SNTG2: variants seen among roughly 807,000 people sequenced by gnomAD.
The protein encoded by SNTG2 is gamma-2-syntrophin.
SNTG2 carries 74 observed loss-of-function variants against 70.9 expected under a neutral mutation model. The ratio of observed to expected loss-of-function variants is 1.04; its 90% CI spans 0.86 to 1.27. The LOEUF is 1.27. Ranked by LOEUF, SNTG2 falls within the 50% of genes most tolerant of loss-of-function variation. The probability of loss-of-function intolerance (pLI) is 0.00; values close to 1 mark genes in which losing one functional copy is unlikely to be tolerated. For missense variants in SNTG2, 717 were observed against 690.7 expected, an observed-to-expected ratio of 1.04 and a Z score of -0.43; for synonymous variants, 278 against 273.8, an observed-to-expected ratio of 1.02 and a Z score of -0.15.
At chr2:1,227,166 A>C (rs1182915313) in intron 9 of SNTG2, among the ~76,000 whole-genome samples, 2 of 152,260 alleles carry the variant, frequency 1.3e-5, no homozygotes, top group East Asian at 3.8e-4. Flanking sequence ...TTTTCTCCTA[A>C]GTTAATTCTG....
chr2:1,041,048 G>A (rs1044043379), intron 1 of SNTG2, among the ~76,000 whole-genome samples: 2 of 152,186 alleles, frequency 1.3e-5, no homozygotes, highest in African/African-American at 4.8e-5. Flanking sequence ...TCAGGCACAT[G>A]CTAAGGTGTG....
intron 9 of SNTG2, chr2:1,210,384 A>G (rs1572734733): frequency 3.9e-5 from 6 of 152,338 alleles, no homozygotes; most frequent in South Asian, 2.1e-4. Flanking sequence ...AGACAGACAG[A>G]CAGATAGATA....
intron 2 of SNTG2, among the ~76,000 whole-genome samples, chr2:1,086,853 A>G (rs1664714680): frequency 6.6e-6 from 1 of 152,244 alleles, no homozygotes; most frequent in Non-Finnish European, 1.5e-5. Context: ...CACCAAGATA[A>G]TATCTAGAAA....
intron 9 of SNTG2, among the ~76,000 whole-genome samples, chr2:1,227,153 G>A (rs534085226): frequency 6.6e-6 from 1 of 152,348 alleles, no homozygotes; most frequent in Non-Finnish European, 1.5e-5. Context: ...AGGTTCTGCG[G>A]TGTTTTCTCC....
At chr2:1,140,308 A>C (rs28454231) in intron 6 of SNTG2, among the ~76,000 whole-genome samples, 1 of 152,230 alleles carries the variant, frequency 6.6e-6, no homozygotes, top group East Asian at 1.9e-4. Context: ...TAGTACATCT[A>C]TGCATTTTCA....
intron 6 of SNTG2, among the ~76,000 whole-genome samples, chr2:1,159,882 G>C (rs2147839599): frequency 6.6e-6 from 1 of 152,296 alleles, no homozygotes; most frequent in African/African-American, 2.4e-5. Context: ...AATATGATTA[G>C]GGATGAAAGG....
At chr2:1,208,090 C>G (rs866593117) in intron 8 of SNTG2, among the ~76,000 whole-genome samples, 15 of 152,202 alleles carry the variant, frequency 9.9e-5, no homozygotes, top group Admixed American at 3.3e-4. Context: ...TGCTCGGATT[C>G]CAGGTGCAAC....
At chr2:1,157,081 T>C (rs763490778) in intron 6 of SNTG2, among the ~76,000 whole-genome samples, 5 of 152,154 alleles carry the variant, frequency 3.3e-5, no homozygotes, top group Non-Finnish European at 7.4e-5. Context: ...CATGTGCACT[T>C]CAATCCCGTA....
intron 9 of SNTG2, among the ~76,000 whole-genome samples, chr2:1,222,525 GCTGC>G (rs1558555843): frequency 4.9e-4 from 63 of 129,242 alleles, no homozygotes; most frequent in African/African-American, 1.7e-3. Context: ...TGTCCTGCCT[GCTGC>G]TGGAGGTGCT....
intron 9 of SNTG2, among the ~76,000 whole-genome samples, chr2:1,221,477 C>CTGCCTCTG (rs1674839134): frequency 1.5e-3 from 51 of 35,130 alleles, no homozygotes; most frequent in East Asian, 4.4e-3. Context: ...CTCTCTGTCT[C>CTGCCTCTG]TCTCTCTCTC....
chr2:1,247,787 C>A (rs1012393182), intron 12 of SNTG2, among the ~76,000 whole-genome samples: 2 of 152,118 alleles, frequency 1.3e-5, no homozygotes, highest in Non-Finnish European at 1.5e-5. Flanking sequence ...CAAAATACAA[C>A]CCTCTTTTTA....
chr2:1,119,627 A>G (rs2148284214), intron 4 of SNTG2, among the ~76,000 whole-genome samples: 1 of 151,790 alleles, frequency 6.6e-6, no homozygotes, highest in East Asian at 1.9e-4. Flanking sequence ...ATTTTACATA[A>G]GCTTCATAAT....
chr2:1,101,506 T>C (rs946867887), intron 4 of SNTG2, among the ~76,000 whole-genome samples: 10 of 152,236 alleles, frequency 6.6e-5, no homozygotes, highest in Admixed American at 6.5e-4. Flanking sequence ...TTCCATTCCA[T>C]GTAAAACACA....
intron 15 of SNTG2, among the ~76,000 whole-genome samples, chr2:1,308,894 C>T (rs1168476746): frequency 2.0e-5 from 3 of 152,132 alleles, no homozygotes; most frequent in Non-Finnish European, 2.9e-5. Flanking sequence ...AAACACTCAT[C>T]GTTGCCTGCC....
In SNTG2 at chr2:1,267,581, C is replaced by T. The variant is rs1055740171; in HGVS notation, c.1284+10C>T. 11 of 1,611,290 alleles carry T rather than the reference C, an allele frequency of 6.8e-6. No homozygotes were observed. Among genetic ancestry groups the T allele is most frequent in the Admixed American group, 3.3e-5 (2 of 59,974 alleles). ...AGTTCAGAGAACCGGGGTAAGTGAA[C>T]AACTCACACTCTTCTCACCTACACC... is the stretch of plus-strand genomic sequence containing the variant. On this transcript the variant is annotated intron_variant, in intron 14 of 16. Transcript: ENST00000308624.
rs566711378 is a variant in SNTG2 at position 1,122,073 on chromosome 2, T to C, written c.326-15549T>C. On this transcript the variant is annotated intron_variant, in intron 4 of 16. Coordinates refer to ENST00000308624, the MANE Select transcript of SNTG2 (RefSeq NM_018968.4). ...TTGAGTCAGGAAAAAATAGAAAGAC[T>C]GAACTGACCAAAACCAAATAGGGAC... Among the ~76,000 whole-genome samples, 55 of 152,136 alleles carry C rather than the reference T, an allele frequency of 3.6e-4. No individual in the cohort carries two copies. In the South Asian group the frequency reaches 4.6e-3, roughly 13 times the overall value.
intron 1 of SNTG2, among the ~76,000 whole-genome samples, chr2:999,354 T>C (rs1421790749): frequency 1.3e-5 from 2 of 152,004 alleles, no homozygotes. Flanking sequence ...GCTAAATTGA[T>C]TTAAAACAAC....
chr2:1,173,250 A>T, intron 8 of SNTG2, 67 bp downstream of exon 8: 4 of 1,402,142 alleles, frequency 2.9e-6, no homozygotes, highest in Non-Finnish European at 4.0e-6. Context: ...GATAATCTCT[A>T]GACAGAATTA....
chr2:1,064,036 CAG>C (rs1572342777), intron 1 of SNTG2, among the ~76,000 whole-genome samples: 1 of 151,646 alleles, frequency 6.6e-6, no homozygotes, highest in East Asian at 1.9e-4. Flanking sequence ...ATCTTAAAAA[CAG>C]AAGATTAAAA....
Sources: gnomAD v4.1 joint callset for allele counts (sites outside exome capture counted in the v4.1 genomes callset) on GRCh38, gnomAD v4.1.1 for gene constraint, MANE v1.5 for transcripts, NCBI Gene and HGNC (gene_info 2026-07-23, HGNC 2026-07-21) for gene names.